The following NNMT variants were observed in gnomAD, a reference collection of about 807,000 sequenced individuals.
The protein encoded by NNMT is nicotinamide N-methyltransferase.
In NNMT, 10 loss-of-function variants were observed where a neutral mutation model predicts 11.7. That is an observed-to-expected ratio of 0.85 (90% CI 0.53 to 1.45). NNMT has a LOEUF of 1.45. Ranked by LOEUF, NNMT falls within the 40% of genes most tolerant of loss-of-function variation. The pLI, the probability that NNMT is intolerant of heterozygous loss-of-function variation, is 0.00. For missense variants in NNMT, 381 were observed against 319.4 expected (o/e 1.19, Z -1.47); for synonymous variants, 143 against 133.8 (o/e 1.07, Z -0.48).
intron 2 of NNMT, among the ~76,000 whole-genome samples, chr11:114,280,660 G>C (rs1401698719): frequency 6.6e-6 from 1 of 152,186 alleles, no homozygotes; most frequent in East Asian, 1.9e-4. Flanking sequence ...TCATCCTGCT[G>C]AATGTGTGTC....
At chr11:114,271,011 A>T (rs1945164956) in intron 2 of NNMT, among the ~76,000 whole-genome samples, 1 of 152,012 alleles carries the variant, frequency 6.6e-6, no homozygotes, top group Non-Finnish European at 1.5e-5. Context: ...TCCTAACCTC[A>T]AGTGATCCAC....
upstream of NNMT, among the ~76,000 whole-genome samples, chr11:114,293,002 A>G (rs144669822): frequency 1.7e-3 from 254 of 152,320 alleles, 2 homozygotes; most frequent in African/African-American, 5.9e-3. Context: ...AGGCCATTTT[A>G]CTCACCAAAA....
intron 1 of NNMT, among the ~76,000 whole-genome samples, chr11:114,260,504 T>G (rs115817519): frequency 0.031 from 4,722 of 152,266 alleles, 220 homozygotes; most frequent in African/African-American, 0.1. Context: ...CAATCCCCAC[T>G]TCCCTCCAGC....
In NNMT at chr11:114,298,055, T is replaced by C; in HGVS notation, c.259T>C (p.Ser87Pro). Reference protein sequence around the residue: ...SFKEIVVTDYSDQNLQELEKW... With the variant: ...SFKEIVVTDYPDQNLQELEKW... The stretch of plus-strand genomic sequence containing the variant: ...TAAGGAGATCGTCGTCACTGACTAC[T>C]CAGACCAGAACCTGCAGGAGCTGGA... The change falls in exon 2 of 3, where the codon TCA (serine) becomes CCA (proline). Residue 87 changes from serine to proline, a missense_variant. Coordinates refer to ENST00000299964, the MANE Select transcript of NNMT (RefSeq NM_006169.3). 1 of 1,614,146 alleles carries C rather than the reference T, an allele frequency of 6.2e-7. No homozygotes were observed. Among genetic ancestry groups the C allele is most frequent in the Non-Finnish European group, 8.5e-7 (1 of 1,180,030 alleles).
chr11:114,289,648 G>A (rs1945321355), intron 2 of NNMT, among the ~76,000 whole-genome samples: 1 of 152,114 alleles, frequency 6.6e-6, no homozygotes, highest in Non-Finnish European at 1.5e-5. Context: ...AACAAATAAG[G>A]GTGTTTTAGT....
At chr11:114,267,319 C>G (rs1486787337) in intron 2 of NNMT, among the ~76,000 whole-genome samples, 1 of 152,080 alleles carries the variant, frequency 6.6e-6, no homozygotes, top group Non-Finnish European at 1.5e-5. Context: ...CTAGCATTTA[C>G]CACTGTTTGA....
At chr11:114,283,247 G>A (rs912839594) in intron 2 of NNMT, among the ~76,000 whole-genome samples, 29 of 152,208 alleles carry the variant, frequency 1.9e-4, no homozygotes, top group African/African-American at 7.0e-4. Context: ...TTGTGTTGGG[G>A]AGTTGGAAAC....
intron 2 of NNMT, among the ~76,000 whole-genome samples, chr11:114,280,505 GC>G (rs1945251797): frequency 6.6e-6 from 1 of 152,118 alleles, no homozygotes; most frequent in Non-Finnish European, 1.5e-5. Context: ...CACCCTGTCT[GC>G]CCGCCCTGCC....
In NNMT at chr11:114,313,026, A is replaced by C. The variant is rs78829910; in HGVS notation, c.*549A>C. The C allele has an allele frequency of 3.3e-5, 5 of 150,836 alleles. No individual in the cohort carries two copies. Among genetic ancestry groups the C allele is most frequent in the Non-Finnish European group, 5.9e-5 (4 of 68,122 alleles). The allele number at this position is 150,836 out of a possible 1,614,324, so 9.3% of individuals were successfully genotyped here. ...GCATTTCTGTTCATCCCAGCAATCC[A>C]AAAAAAAATTTTTTTAAGCTACAAA... On this transcript the variant is annotated 3_prime_UTR_variant, in exon 3 of 3. Transcript: ENST00000299964.
upstream of NNMT, among the ~76,000 whole-genome samples, chr11:114,295,419 CTTTTTTTTTT>C (rs35621813): frequency 1.2e-5 from 1 of 85,014 alleles, no homozygotes; most frequent in African/African-American, 4.7e-5. Context: ...TTAAAGAATT[CTTTTTTTTTT>C]TTTTTTTTTT....
At chr11:114,284,735 G>T (rs10891644) in intron 2 of NNMT, among the ~76,000 whole-genome samples, 75,451 of 146,750 alleles carry the variant, frequency 0.51, 19,699 homozygotes, top group African/African-American at 0.59. Context: ...GTGCTGAGAT[G>T]ACAGGCGTGA....
At chr11:114,275,011 T>C (rs1945204324) in intron 2 of NNMT, among the ~76,000 whole-genome samples, 1 of 152,156 alleles carries the variant, frequency 6.6e-6, no homozygotes, top group Non-Finnish European at 1.5e-5. Flanking sequence ...TTACTTACCT[T>C]GCGTAATTTC....
chr11:114,281,659 G>T (rs1015401901), intron 2 of NNMT, among the ~76,000 whole-genome samples: 1 of 152,172 alleles, frequency 6.6e-6, no homozygotes, highest in Non-Finnish European at 1.5e-5. Context: ...ACTGTTTACT[G>T]TTGCAACCAT....
chr11:114,298,714 C>A (rs1353087623), intron 2 of NNMT, among the ~76,000 whole-genome samples: 6 of 152,214 alleles, frequency 3.9e-5, no homozygotes, highest in Non-Finnish European at 7.3e-5. Flanking sequence ...TAATCACCAT[C>A]CATGAAAGTA....
chr11:114,273,885 A>C (rs541228195), intron 2 of NNMT, among the ~76,000 whole-genome samples: 1 of 152,188 alleles, frequency 6.6e-6, no homozygotes, highest in African/African-American at 2.4e-5. Context: ...CAGTGGGGCC[A>C]TACAGCACTT....
chr11:114,273,691 T>C (rs1945189779), intron 2 of NNMT, among the ~76,000 whole-genome samples: 2 of 152,006 alleles, frequency 1.3e-5, no homozygotes, highest in Non-Finnish European at 2.9e-5. Context: ...AATACTAAAA[T>C]TAGCCGGGTA....
intron 2 of NNMT, among the ~76,000 whole-genome samples, chr11:114,301,145 T>G (rs1255749061): frequency 6.6e-6 from 1 of 152,148 alleles, no homozygotes; most frequent in East Asian, 1.9e-4. Context: ...TATTTATTGT[T>G]CGTGGGAATT....
chr11:114,261,674 G>A (rs1040466443), intron 1 of NNMT, among the ~76,000 whole-genome samples: 17 of 152,228 alleles, frequency 1.1e-4, no homozygotes, highest in Admixed American at 5.2e-4. Context: ...TGAGTAAGGA[G>A]GGAATGTGGT....
At chr11:114,303,827 T>C (rs2135278042) in intron 2 of NNMT, among the ~76,000 whole-genome samples, 1 of 152,260 alleles carries the variant, frequency 6.6e-6, no homozygotes, top group African/African-American at 2.4e-5. Context: ...TTTCCCACCT[T>C]AGCCTCCTGA....
Sources: allele counts gnomAD v4.1 joint callset (sites outside exome capture counted in the v4.1 genomes callset), GRCh38; gene constraint gnomAD v4.1.1; transcripts MANE v1.5; gene names NCBI Gene and HGNC (gene_info 2026-07-23, HGNC 2026-07-21).